The following SETX variants were observed in gnomAD, a reference collection of about 807,000 sequenced individuals.
SETX encodes the protein senataxin, also known as helicase senataxin.
Under a neutral mutation model 227.2 loss-of-function variants are expected in SETX, and 90 were observed. That is an observed-to-expected ratio of 0.40 (90% CI 0.33 to 0.47). The LOEUF is 0.47. Among genes scored for constraint, SETX ranks in the 20% least tolerant of loss-of-function variants. The pLI, the probability that SETX is intolerant of heterozygous loss-of-function variation, is 0.91. For missense variants in SETX, 3,052 were observed against 3,181.5 expected (o/e 0.96, Z 0.98); for synonymous variants, 1,210 against 1,113.2 (o/e 1.09, Z -1.73).
chr9:132,326,370 T>C lies in SETX; in HGVS notation c.5228A>G (p.Tyr1743Cys), dbSNP rs1249167666. 6.2e-7 allele frequency: 1 copy of C among 1,613,840 alleles called. No homozygotes were observed. Among genetic ancestry groups the C allele is most frequent in the Middle Eastern group, 1.6e-4 (1 of 6,062 alleles). ...CATCAAAGGGAAAAAAACATTAAAA[T>C]AATCTCCATAATTGTGAAATCTGAC... is the stretch of plus-strand genomic sequence containing the variant. Reference protein sequence around the residue: ...VPVRFHNYGDYFNVFFPLMVL... With the variant: ...VPVRFHNYGDCFNVFFPLMVL... The change falls in exon 10 of 26, where the codon TAT (tyrosine) becomes TGT (cysteine). Residue 1743 changes from tyrosine to cysteine, a missense_variant. Tyr to Cys is a radical substitution (Grantham distance 194). Coordinates refer to ENST00000224140, the MANE Select transcript of SETX (RefSeq NM_015046.7).
chr9:132,324,006 T>G lies in SETX; in HGVS notation c.5274+2318A>C, dbSNP rs556835039. On this transcript the variant is annotated intron_variant, in intron 10 of 25. Transcript: ENST00000224140. ...GGGATGAGGGGTGCCTGATGTTCTTTATAATGGGCCAGATAGAAATCTTTG... is the reference window on the plus strand; with the variant it reads ...GGGATGAGGGGTGCCTGATGTTCTTGATAATGGGCCAGATAGAAATCTTTG... 8.3e-4 allele frequency among the ~76,000 whole-genome samples: 127 copies of G among 152,308 alleles called. 1 individual carries two copies. Among genetic ancestry groups the G allele is most frequent in the African/African-American group, 3.1e-3 (127 of 41,582 alleles).
At chr9:132,276,654 C>T (rs984907573) in intron 22 of SETX, among the ~76,000 whole-genome samples, 130 of 152,318 alleles carry the variant, frequency 8.5e-4, no homozygotes, top group African/African-American at 2.6e-3. Flanking sequence ...ATTCACAACC[C>T]AATACCATCC....
At chr9:132,330,954 T>C (rs1847186051) in intron 9 of SETX, 98 bp downstream of exon 9, 2 of 929,370 alleles carry the variant, frequency 2.2e-6, no homozygotes, top group Non-Finnish European at 3.5e-6. Flanking sequence ...TGAGAACAGC[T>C]ACATATCACA....
intron 10 of SETX, among the ~76,000 whole-genome samples, chr9:132,316,638 A>G (rs1845985216): frequency 6.6e-6 from 1 of 152,182 alleles, no homozygotes; most frequent in Non-Finnish European, 1.5e-5. Flanking sequence ...TTTTTCCCCA[A>G]TGAAGCAGGC....
Position 132,346,278 on chromosome 9 carries a change from A to T in SETX, c.371T>A (p.Leu124His). The T allele has an allele frequency of 6.2e-7, 1 of 1,613,648 alleles. No individual in the cohort carries two copies. Among genetic ancestry groups the T allele is most frequent in the Non-Finnish European group, 8.5e-7 (1 of 1,179,618 alleles). Residue 124 changes from leucine to histidine, a missense_variant, in exon 4 of 26, where the codon CTT (leucine) becomes CAT (histidine). Leu to His is a moderately conservative substitution (Grantham distance 99, BLOSUM62 -3). Coordinates refer to ENST00000224140, the MANE Select transcript of SETX (RefSeq NM_015046.7). The stretch of plus-strand genomic sequence containing the variant: ...ATACTCACTAACACGTTCATGTAGA[A>T]GCAAGTAAGGATATTTCAGTATTTC... ...LLEILKYPYL[L>H]LHERVNELCV...
chr9:132,276,579 T>C (rs1010060487), intron 22 of SETX, among the ~76,000 whole-genome samples: 4 of 152,324 alleles, frequency 2.6e-5, no homozygotes, highest in South Asian at 2.1e-4. Flanking sequence ...TCCTCTGACA[T>C]TGCTGCTTCT....
chr9:132,322,838 A>ATTAATC (rs780045163), intron 10 of SETX, among the ~76,000 whole-genome samples: 112,326 of 139,242 alleles, frequency 0.81, 43,017 homozygotes, highest in Non-Finnish European at 0.86. Context: ...CTAACTTTAA[A>ATTAATC]ATTATCATAA....
Position 132,269,652 on chromosome 9 carries a change from T to C in SETX, c.7250A>G (p.Tyr2417Cys). The change falls in exon 25 of 26, where the codon TAC (tyrosine) becomes TGC (cysteine). Residue 2417 changes from tyrosine (Y) to cysteine (C), a missense_variant. Transcript: ENST00000224140. ...RLNVTITRAK[Y>C]SLFILGHLRT... ...CAAATGTCCGAGGATGAAGAGGCTG[T>C]ACTTGGCTCGTGTGATGGTGACATT... 6.2e-7 allele frequency: 1 copy of C among 1,614,270 alleles called. No individual in the cohort carries two copies. Among genetic ancestry groups the C allele is most frequent in the Non-Finnish European group, 8.5e-7 (1 of 1,180,040 alleles).
rs1228505171 is a variant in SETX at position 132,286,513 on chromosome 9, G to A, written c.6325-19C>T. On this transcript the variant is annotated intron_variant, in intron 17 of 25. Coordinates refer to ENST00000224140, the MANE Select transcript of SETX (RefSeq NM_015046.7). ...CTTGCCTCTGGAAAAAAATTCAAAT[G>A]TCACAATTAAAACTAAACTAAGCAT... is the stretch of plus-strand genomic sequence containing the variant. The A allele has an allele frequency of 1.3e-6, 2 of 1,582,840 alleles. No homozygotes were observed. Among genetic ancestry groups the A allele is most frequent in the Admixed American group, 3.3e-5 (2 of 59,902 alleles).
chr9:132,302,872 A>G (rs1321728092), intron 11 of SETX, among the ~76,000 whole-genome samples: 1 of 152,114 alleles, frequency 6.6e-6, no homozygotes, highest in Non-Finnish European at 1.5e-5. Context: ...GATAAAGAAA[A>G]CGGTGTTTAA....
chr9:132,287,840 A>G (rs1228756401), intron 17 of SETX, among the ~76,000 whole-genome samples: 1 of 151,998 alleles, frequency 6.6e-6, no homozygotes, highest in Non-Finnish European at 1.5e-5. Context: ...ATTTTTATAC[A>G]TGAATCATGC....
At chr9:132,286,520 T>A (rs913229033) in intron 17 of SETX, 26 bp from the exon 18 acceptor site, 1 of 1,548,222 alleles carries the variant, frequency 6.5e-7, no homozygotes, top group Non-Finnish European at 8.9e-7. Context: ...AATGTCACAA[T>A]TAAAACTAAA....
At chr9:132,311,606 T>C in intron 11 of SETX, 151 bp downstream of exon 11, 5 of 638,016 alleles carry the variant, frequency 7.8e-6, no homozygotes, top group Admixed American at 5.2e-5. Context: ...CCAGTAACTA[T>C]CCTCATTAAG....
rs963843820 is a variant in SETX at position 132,342,595 on chromosome 9, AT to A, written c.498+94del. ...TAAAGCAAGAAAAATTTTAGCAAACATTTTAAACAAAATCCACACCAAAAAC... is the reference window on the plus strand; with the variant it reads ...TAAAGCAAGAAAAATTTTAGCAAACATTTAAACAAAATCCACACCAAAAAC... On this transcript the variant is annotated intron_variant, in intron 5 of 25. Coordinates refer to ENST00000224140, the MANE Select transcript of SETX (RefSeq NM_015046.7). The A allele has an allele frequency of 6.1e-6, 6 of 984,608 alleles. No homozygotes were observed. The African/African-American group carries it at 9.5e-5, about 16-fold the overall frequency. The allele number at this position is 984,608 out of a possible 1,614,324, so 61.0% of individuals were successfully genotyped here. A position where few individuals can be genotyped will look rare whatever the true frequency, so the allele number is the denominator to read the frequency against.
intron 10 of SETX, among the ~76,000 whole-genome samples, chr9:132,325,194 A>C (rs772058854): frequency 5.9e-5 from 9 of 152,094 alleles, no homozygotes; most frequent in African/African-American, 1.2e-4. Context: ...ATCTCTACTA[A>C]AAATACAAAA....
intron 4 of SETX, among the ~76,000 whole-genome samples, chr9:132,345,066 C>G (rs757577913): frequency 6.6e-6 from 1 of 152,066 alleles, no homozygotes. Context: ...ACCTCACCCC[C>G]CAAAAGGGGT....
upstream of SETX, among the ~76,000 whole-genome samples, chr9:132,356,164 A>G (rs979652836): frequency 2.0e-5 from 3 of 151,944 alleles, no homozygotes; most frequent in African/African-American, 7.3e-5. Context: ...AAGTCTATAA[A>G]TAAATAAAAA....
chr9:132,293,293 T>C (rs969019915), intron 15 of SETX, among the ~76,000 whole-genome samples: 4 of 151,994 alleles, frequency 2.6e-5, no homozygotes, highest in African/African-American at 9.7e-5. Flanking sequence ...CCCAGAAGCA[T>C]TATACTTAAT....
chr9:132,330,945 G>T, intron 9 of SETX, 107 bp downstream of exon 9: 2 of 873,712 alleles, frequency 2.3e-6, no homozygotes, highest in South Asian at 1.3e-5. Context: ...GCAGTAGATT[G>T]AGAACAGCTA....
Sources: gnomAD v4.1 joint callset for allele counts (sites outside exome capture counted in the v4.1 genomes callset) on GRCh38, gnomAD v4.1.1 for gene constraint, MANE v1.5 for transcripts, NCBI Gene and HGNC (gene_info 2026-07-23, HGNC 2026-07-21) for gene names.